Variants in PDE11A observed in about 807,000 individuals in gnomAD.
PDE11A encodes the protein phosphodiesterase 11A, also known as dual 3',5'-cyclic-AMP and -GMP phosphodiesterase 11A.
In PDE11A, 100 loss-of-function variants were observed where a neutral mutation model predicts 100.5. The observed-to-expected ratio is 1.00, with a 90% CI of 0.85 to 1.18. The LOEUF is 1.18. Among genes scored for constraint, PDE11A ranks in the 50% most tolerant of loss-of-function variants. The pLI is 0.00. For synonymous variants in PDE11A, 381 were observed against 420.8 expected (o/e 0.91, Z 1.16); for missense variants, 1,141 against 1,152.6 (o/e 0.99, Z 0.15).
intron 2 of PDE11A, among the ~76,000 whole-genome samples, chr2:178,094,699 A>C (rs1229479829): frequency 2.0e-5 from 3 of 152,182 alleles, no homozygotes; most frequent in Non-Finnish European, 4.4e-5. Context: ...ATGTAAAGAA[A>C]TACCCAAGAC....
chr2:177,910,102 G>A (rs2084855115), intron 2 of PDE11A, among the ~76,000 whole-genome samples: 1 of 152,162 alleles, frequency 6.6e-6, no homozygotes, highest in African/African-American at 2.4e-5. Context: ...TGTGGATGGA[G>A]ACAATATTAT....
At chr2:177,631,932 A>G (rs563466395) in intron 19 of PDE11A, among the ~76,000 whole-genome samples, 1 of 152,160 alleles carries the variant, frequency 6.6e-6, no homozygotes, top group African/African-American at 2.4e-5. Context: ...AGATGATAAA[A>G]CATGTCCCCC....
At chr2:177,877,077 A>G (rs937327343) in intron 4 of PDE11A, among the ~76,000 whole-genome samples, 4 of 147,636 alleles carry the variant, frequency 2.7e-5, no homozygotes, top group Non-Finnish European at 6.0e-5. Context: ...AATGAGCCCA[A>G]AGAACAGACA....
At chr2:177,698,222 T>G (rs1574055624) in intron 14 of PDE11A, among the ~76,000 whole-genome samples, 2 of 152,332 alleles carry the variant, frequency 1.3e-5, no homozygotes, top group Middle Eastern at 3.4e-3. Flanking sequence ...CTTGGCACAG[T>G]GGGACTCTAA....
chr2:177,973,233 C>T (rs1438765985), intron 2 of PDE11A, among the ~76,000 whole-genome samples: 1 of 135,934 alleles, frequency 7.4e-6, no homozygotes, highest in African/African-American at 2.8e-5. Flanking sequence ...TGTGTGCGCA[C>T]CGTGCGCGAG....
intron 2 of PDE11A, among the ~76,000 whole-genome samples, chr2:178,084,579 G>A (rs2087325501): frequency 6.6e-6 from 1 of 152,178 alleles, no homozygotes; most frequent in Non-Finnish European, 1.5e-5. Context: ...CAGGCAGGCT[G>A]CAAGCAACTA....
chr2:177,910,428 CTA>C (rs56372605), intron 2 of PDE11A, among the ~76,000 whole-genome samples: 89,772 of 137,092 alleles, frequency 0.65, 27,757 homozygotes, highest in African/African-American at 0.77. Context: ...CTCTCTCTCT[CTA>C]TATATATATA....
intron 10 of PDE11A, among the ~76,000 whole-genome samples, chr2:177,739,102 G>A (rs554794506): frequency 6.6e-6 from 1 of 152,330 alleles, no homozygotes; most frequent in East Asian, 1.9e-4. Flanking sequence ...GGGGCATCAA[G>A]CCTCAAGGCC....
At chr2:178,097,432 G>A (rs1047791975) in intron 2 of PDE11A, among the ~76,000 whole-genome samples, 1 of 152,160 alleles carries the variant, frequency 6.6e-6, no homozygotes, top group African/African-American at 2.4e-5. Context: ...AAGTGTGAAG[G>A]AGGAAATTCC....
In PDE11A at chr2:177,998,392, T is replaced by C. The variant is rs1028674466; in HGVS notation, c.1071+15910A>G. On this transcript the variant is annotated intron_variant, in intron 2 of 19. Coordinates refer to ENST00000286063, the MANE Select transcript of PDE11A (RefSeq NM_016953.4). ...GAACCTAAAGTCCCTTTTCCATCCA[T>C]GTTAAATATACTCAACAGGGCATTG... 8.2e-6 allele frequency: 7 copies of C among 854,368 alleles called. No individual in the cohort carries two copies. In the African/African-American group the frequency reaches 8.3e-5, roughly 10 times the overall value. The allele number at this position is 854,368 out of a possible 1,614,324, so 52.9% of individuals were successfully genotyped here.
intron 15 of PDE11A, among the ~76,000 whole-genome samples, chr2:177,681,200 T>TA (rs1215784656): frequency 3.3e-5 from 5 of 152,322 alleles, no homozygotes; most frequent in Admixed American, 3.3e-4. Context: ...TGTGAAGCCC[T>TA]AGTGATACTT....
At chr2:178,007,491 C>G (rs1443938601) in intron 2 of PDE11A, among the ~76,000 whole-genome samples, 1 of 151,942 alleles carries the variant, frequency 6.6e-6, no homozygotes, top group African/African-American at 2.4e-5. Context: ...TCATATGAAG[C>G]CTGGGTAACA....
chr2:177,827,932 C>T (rs3821011), intron 6 of PDE11A, among the ~76,000 whole-genome samples: 1,597 of 152,114 alleles, frequency 0.01, 16 homozygotes, highest in East Asian at 0.059. Flanking sequence ...GAGGCAAAGG[C>T]GAATAGAAAA....
At position 177,747,277 on chromosome 2, in the gene PDE11A, C is replaced by T. The variant is rs76191475; in HGVS notation, c.1789-19105G>A. On this transcript the variant is annotated intron_variant, in intron 10 of 19. Transcript: ENST00000286063. ...TCCTGAAATACAGCCAGCGTTCCCT[C>T]GACTGTGCCTTGTTTTGACAATTTG... Among the ~76,000 whole-genome samples, 516 of 152,336 alleles carry T rather than the reference C, an allele frequency of 3.4e-3. 5 individuals carry two copies. In the East Asian group the frequency reaches 0.048, roughly 14 times the overall value.
At chr2:178,045,446 C>T (rs1389240239) in intron 1 of PDE11A, among the ~76,000 whole-genome samples, 1 of 152,188 alleles carries the variant, frequency 6.6e-6, no homozygotes, top group East Asian at 1.9e-4. Flanking sequence ...TGTCTCACAA[C>T]TTTGGTAAAG....
At chr2:177,827,411 C>T (rs746467152) in intron 6 of PDE11A, among the ~76,000 whole-genome samples, 1 of 152,200 alleles carries the variant, frequency 6.6e-6, no homozygotes, top group Non-Finnish European at 1.5e-5. Context: ...ATGCATAAGG[C>T]CTGCCCTACT....
intron 9 of PDE11A, among the ~76,000 whole-genome samples, chr2:177,770,094 T>C (rs2082292211): frequency 6.6e-6 from 1 of 152,170 alleles, no homozygotes; most frequent in Non-Finnish European, 1.5e-5. Flanking sequence ...TAGGAAAGAT[T>C]ATATTGATAT....
At chr2:177,939,982 T>C (rs2085327517) in intron 2 of PDE11A, among the ~76,000 whole-genome samples, 1 of 152,184 alleles carries the variant, frequency 6.6e-6, no homozygotes, top group South Asian at 2.1e-4. Flanking sequence ...GCAAAAATAG[T>C]TTTTCAATTT....
chr2:177,630,795 T>G (rs564075828), intron 19 of PDE11A, among the ~76,000 whole-genome samples: 6 of 152,272 alleles, frequency 3.9e-5, no homozygotes, highest in Admixed American at 1.3e-4. Context: ...AGATGAATAA[T>G]AAGTAAAGCC....
Sources: allele counts gnomAD v4.1 joint callset (sites outside exome capture counted in the v4.1 genomes callset), GRCh38; gene constraint gnomAD v4.1.1; transcripts MANE v1.5; gene names NCBI Gene and HGNC (gene_info 2026-07-23, HGNC 2026-07-21).